The following ANKS6 variants were observed in gnomAD, a reference collection of about 807,000 sequenced individuals.
ANKS6 encodes ankyrin repeat and sterile alpha motif domain containing 6, also known as ankyrin repeat and SAM domain-containing protein 6.
In ANKS6, 47 loss-of-function variants were observed where a neutral mutation model predicts 77.9. The observed-to-expected ratio is 0.60, with a 90% CI of 0.48 to 0.77. The LOEUF is 0.77. ANKS6 is among the 30% of genes least tolerant of loss of function. ANKS6 has a pLI of 0.00. For missense variants in ANKS6, 1,150 were observed against 1,159.1 expected, an observed-to-expected ratio of 0.99 and a Z score of 0.11; for synonymous variants, 488 against 501.7, an observed-to-expected ratio of 0.97 and a Z score of 0.37.
chr9:98,794,480 ACTTGACCTT>A (rs1835072216), intron 1 of ANKS6, among the ~76,000 whole-genome samples: 2 of 152,142 alleles, frequency 1.3e-5, no homozygotes, highest in African/African-American at 4.8e-5. Flanking sequence ...CTACTCCTCA[ACTTGACCTT>A]TTCTTATGAA....
intron 2 of ANKS6, among the ~76,000 whole-genome samples, chr9:98,788,480 C>T (rs1358680635): frequency 6.6e-6 from 1 of 152,200 alleles, no homozygotes; most frequent in Non-Finnish European, 1.5e-5. Flanking sequence ...CCACAAACAA[C>T]CCAAACCTTT....
At position 98,790,738 on chromosome 9, in the gene ANKS6, C is replaced by CA. The variant is rs960419076; in HGVS notation, c.360-133dup. On this transcript the variant is annotated intron_variant, in intron 1 of 14. Coordinates refer to ENST00000353234, the MANE Select transcript of ANKS6 (RefSeq NM_173551.5). ...TAAGAGGTCTTATTCTGGCGCCAGG[C>CA]ACTGTGCCAGCCACATGGATGCAGA... 4.7e-6 allele frequency: 6 copies of CA among 1,265,720 alleles called. No individual in the cohort carries two copies. The African/African-American group carries it at 9.1e-5, about 19-fold the overall frequency. The allele number at this position is 1,265,720 out of a possible 1,614,324, so 78.4% of individuals were successfully genotyped here. A position where few individuals can be genotyped will look rare whatever the true frequency, so the allele number is the denominator to read the frequency against.
rs202068734 is a variant in ANKS6, at chr9:98,790,584, G to A, written c.382C>T (p.His128Tyr). 10 of 1,603,880 alleles carry A rather than the reference G, an allele frequency of 6.2e-6. No individual in the cohort carries two copies. Among genetic ancestry groups the A allele is most frequent in the Middle Eastern group, 1.7e-4 (1 of 6,054 alleles). The change falls in exon 2 of 15, where the codon CAC becomes TAC. Residue 128 changes from histidine (H) to tyrosine (Y), a missense_variant. By Grantham distance (83) the His-to-Tyr change is moderately conservative. Coordinates refer to ENST00000353234, the MANE Select transcript of ANKS6 (RefSeq NM_173551.5). ...AARFGHVSVAHLLLDHGADVN... is the reference protein window; with the variant it reads ...AARFGHVSVAYLLLDHGADVN... ...TCAGCCCCGTGATCCAACAGGAGGT[G>A]TGCCACACTCACATGCCCAAATCTG...
intron 14 of ANKS6, among the ~76,000 whole-genome samples, chr9:98,739,233 G>A (rs769274924): frequency 3.9e-5 from 6 of 151,900 alleles, no homozygotes; most frequent in Non-Finnish European, 7.4e-5. Flanking sequence ...ACTTACTCAT[G>A]TAACTAAACA....
At chr9:98,774,266 G>A (rs992494728) in intron 8 of ANKS6, among the ~76,000 whole-genome samples, 186 bp from the exon 9 acceptor site, 4 of 152,154 alleles carry the variant, frequency 2.6e-5, no homozygotes, top group Non-Finnish European at 4.4e-5. Context: ...TCTGCTCTGC[G>A]CCAACACCAG....
intron 9 of ANKS6, among the ~76,000 whole-genome samples, chr9:98,771,652 C>A (rs1378304122): frequency 6.6e-6 from 1 of 152,156 alleles, no homozygotes; most frequent in African/African-American, 2.4e-5. Flanking sequence ...TTTTTTGTGC[C>A]TTGGGGCCTT....
intron 1 of ANKS6, among the ~76,000 whole-genome samples, chr9:98,792,683 C>A (rs1220001641): frequency 6.6e-6 from 1 of 152,082 alleles, no homozygotes; most frequent in African/African-American, 2.4e-5. Context: ...ATTTTTATCT[C>A]ATTTGATCTT....
chr9:98,783,920 C>A (rs1056230715), intron 4 of ANKS6, 33 bp downstream of exon 4: 3 of 1,510,274 alleles, frequency 2.0e-6, no homozygotes, highest in Non-Finnish European at 2.7e-6. Context: ...ATCTGTCTGG[C>A]CTTGTCGCTG....
intron 7 of ANKS6, 55 bp downstream of exon 7, chr9:98,778,171 G>C (rs959535743): frequency 6.3e-7 from 1 of 1,580,398 alleles, no homozygotes; most frequent in Non-Finnish European, 8.7e-7. Flanking sequence ...GAAGGGCAGA[G>C]GGTACAGGCT....
chr9:98,767,002 C>T (rs568619332), intron 11 of ANKS6, among the ~76,000 whole-genome samples: 1 of 152,310 alleles, frequency 6.6e-6, no homozygotes, highest in South Asian at 2.1e-4. Context: ...GAGGAGCCAG[C>T]TCACACTCAC....
Position 98,735,008 on chromosome 9 carries a change from A to G in ANKS6, c.*1511T>C, listed in dbSNP as rs956396184. The G allele has an allele frequency of 1.0e-6, 1 of 985,332 alleles. No individual in the cohort carries two copies. Among genetic ancestry groups the G allele is most frequent in the Non-Finnish European group, 1.2e-6 (1 of 829,952 alleles). 61.0% of individuals were successfully genotyped at this position (985,332 alleles called of 1,614,324 possible). A position where few individuals can be genotyped will look rare whatever the true frequency, so the allele number is the denominator to read the frequency against. On this transcript the variant is annotated 3_prime_UTR_variant, in exon 15 of 15. Coordinates refer to ENST00000353234, the MANE Select transcript of ANKS6 (RefSeq NM_173551.5). ...TTAACGACAGCCTCTGAAAGCCAGC[A>G]TAGGGGAATGGGCTTTCATGGCTGG...
intron 14 of ANKS6, among the ~76,000 whole-genome samples, chr9:98,742,627 G>A (rs1352636666): frequency 2.0e-5 from 3 of 152,142 alleles, no homozygotes; most frequent in Non-Finnish European, 2.9e-5. Context: ...TTACTGTGTG[G>A]AACTGCCTGA....
intron 4 of ANKS6, among the ~76,000 whole-genome samples, chr9:98,783,084 G>GAAAGA (rs969043656): frequency 3.9e-5 from 5 of 127,484 alleles, no homozygotes; most frequent in East Asian, 2.6e-4. Flanking sequence ...GATACTGTTG[G>GAAAGA]AAAGAAAAGA....
chr9:98,772,661 C>T (rs986492493), intron 9 of ANKS6, among the ~76,000 whole-genome samples: 1 of 152,190 alleles, frequency 6.6e-6, no homozygotes, highest in Non-Finnish European at 1.5e-5. Flanking sequence ...AATGAGGCCC[C>T]TCTGCTGAGT....
rs1303912515 is a variant in ANKS6 at position 98,781,328 on chromosome 9, A to C, written c.1220-991T>G. 3.9e-5 allele frequency among the ~76,000 whole-genome samples: 6 copies of C among 152,228 alleles called. No homozygotes were observed. In the East Asian group the frequency reaches 1.2e-3, roughly 29 times the overall value. On this transcript the variant is annotated intron_variant, in intron 5 of 14. Coordinates refer to ENST00000353234, the MANE Select transcript of ANKS6 (RefSeq NM_173551.5). ...AATAGACTGTTTTATTGGGAAAGGG[A>C]ATAAACGGCAGTGGAGGCTAGGGAG... is the stretch of plus-strand genomic sequence containing the variant.
rs374710688 is a variant in ANKS6 at position 98,777,333 on chromosome 9, T to A, written c.1617+72A>T. 5.4e-5 allele frequency: 81 copies of A among 1,508,284 alleles called. No individual in the cohort carries two copies. The African/African-American group carries it at 1.0e-3, about 19-fold the overall frequency. 93.4% of individuals were successfully genotyped at this position (1,508,284 alleles called of 1,614,324 possible). A position where few individuals can be genotyped will look rare whatever the true frequency, so the allele number is the denominator to read the frequency against. The stretch of plus-strand genomic sequence containing the variant: ...CTACAAAGACAGACAAACACCTACA[T>A]CCCTCCTTGTAAATCAATCAACTGA... On this transcript the variant is annotated intron_variant, in intron 8 of 14. Coordinates refer to ENST00000353234, the MANE Select transcript of ANKS6 (RefSeq NM_173551.5).
chr9:98,750,944 G>T, intron 13 of ANKS6, 85 bp downstream of exon 13: 2 of 1,076,442 alleles, frequency 1.9e-6, no homozygotes, highest in Non-Finnish European at 2.8e-6. Context: ...ATCAATCTAG[G>T]CTTGCAAAAT....
rs998162013 is a variant in ANKS6, at chr9:98,756,518, G to T, written c.2228C>A (p.Pro743His). The change falls in exon 12 of 15, where the codon CCC (proline) becomes CAC (histidine). Residue 743 changes from proline (P) to histidine (H), a missense_variant. Physicochemically the swap from Pro to His is moderately conservative, Grantham distance 77. Transcript: ENST00000353234. ...TSPTLTPSPS[P>H]KGHTAESSVS... The stretch of plus-strand genomic sequence containing the variant: ...TGAGGACTCTGCAGTGTGCCCTTTG[G>T]GTGAGGGGGAGGGCGTGAGGGTTGG... The T allele has an allele frequency of 6.2e-7, 1 of 1,609,558 alleles. No individual in the cohort carries two copies. Among genetic ancestry groups the T allele is most frequent in the Non-Finnish European group, 8.5e-7 (1 of 1,178,160 alleles).
At position 98,733,765 on chromosome 9, in the gene ANKS6, C is replaced by G. The variant is rs747015442; in HGVS notation, c.*2754G>C. 275 of 985,358 alleles carry G rather than the reference C, an allele frequency of 2.8e-4. No individual in the cohort carries two copies. Among genetic ancestry groups the G allele is most frequent in the Non-Finnish European group, 3.2e-4 (266 of 830,006 alleles). 61.0% of individuals were successfully genotyped at this position (985,358 alleles called of 1,614,324 possible). On this transcript the variant is annotated 3_prime_UTR_variant, in exon 15 of 15. Transcript: ENST00000353234. Reference sequence around the variant, plus strand: ...GCCTGTAGCAAAGATGATCGTGTAGCTCGCTTTAGTGTCTGCCAAACCTAC... The same window carrying G: ...GCCTGTAGCAAAGATGATCGTGTAGGTCGCTTTAGTGTCTGCCAAACCTAC...
Sources: gnomAD v4.1 joint callset for allele counts (sites outside exome capture counted in the v4.1 genomes callset) on GRCh38, gnomAD v4.1.1 for gene constraint, MANE v1.5 for transcripts, NCBI Gene and HGNC (gene_info 2026-07-23, HGNC 2026-07-21) for gene names.